DNM3: variants seen among roughly 807,000 people sequenced by gnomAD.
The protein encoded by DNM3 is dynamin 3.
A neutral mutation model predicts 101.6 loss-of-function variants in DNM3; 47 were observed. The observed-to-expected ratio is 0.46, with a 90% CI of 0.37 to 0.59. The LOEUF is 0.59. Ranked by LOEUF, DNM3 falls within the 20% of genes least tolerant of loss-of-function variation. The pLI is 0.00. For missense variants in DNM3, 849 were observed against 1,085.7 expected, an observed-to-expected ratio of 0.78 and a Z score of 3.06; for synonymous variants, 385 against 387.9, an observed-to-expected ratio of 0.99 and a Z score of 0.09.
chr1:172,116,837 T>C (rs1376328340), intron 13 of DNM3, among the ~76,000 whole-genome samples: 1 of 152,192 alleles, frequency 6.6e-6, no homozygotes, highest in East Asian at 1.9e-4. Flanking sequence ...ACTTTTTTCA[T>C]GGAATGTCTC....
rs71561599 is a variant in DNM3, at chr1:171,942,201, ATTTTTTTT to A, written c.235+20396_235+20403del. ...AATGTTTTTAAATGCTGCTCACTTG[ATTTTTTTT>A]TTTTTTTTTTTTTTTATGGAATAAG... On this transcript the variant is annotated intron_variant, in intron 2 of 20. Coordinates refer to ENST00000627582, the MANE Select transcript of DNM3 (RefSeq NM_015569.5). Among the ~76,000 whole-genome samples, 34 of 103,574 alleles carry A rather than the reference ATTTTTTTT, an allele frequency of 3.3e-4. 1 individual carries two copies. Among genetic ancestry groups the A allele is most frequent in the Non-Finnish European group, 4.8e-4 (26 of 53,664 alleles). The allele number at this position is 103,574 out of a possible 152,430, so 67.9% of individuals were successfully genotyped here.
At chr1:172,306,769 A>T (rs1054600068) in intron 15 of DNM3, among the ~76,000 whole-genome samples, 63 of 152,332 alleles carry the variant, frequency 4.1e-4, no homozygotes, top group African/African-American at 1.4e-3. Context: ...CAAAACAAGC[A>T]ATGAGGAAAG....
rs1165611083 is a variant in DNM3 at position 172,106,847 on chromosome 1, CTTTTTTT to C, written c.1545+13990_1545+13996del. On this transcript the variant is annotated intron_variant, in intron 13 of 20. Coordinates refer to ENST00000627582, the MANE Select transcript of DNM3 (RefSeq NM_015569.5). ...TTATTCAATTTAAGGTAACATTATT[CTTTTTTT>C]TTTTTTTTTTTTTTTTTGAGACGGA... Among the ~76,000 whole-genome samples, 24 of 67,958 alleles carry C rather than the reference CTTTTTTT, an allele frequency of 3.5e-4. 1 individual carries two copies. Among genetic ancestry groups the C allele is most frequent in the South Asian group, 1.6e-3 (2 of 1,252 alleles). 44.6% of individuals were successfully genotyped at this position (67,958 alleles called of 152,430 possible). A position where few individuals can be genotyped will look rare whatever the true frequency, so the allele number is the denominator to read the frequency against.
chr1:172,331,567 C>T (rs12049422), intron 17 of DNM3, among the ~76,000 whole-genome samples: 33,729 of 151,974 alleles, frequency 0.22, 4,301 homozygotes, highest in South Asian at 0.29. Context: ...ACTTAATATA[C>T]GTTTGCTAGG....
At chr1:172,160,394 T>C (rs993890980) in intron 14 of DNM3, among the ~76,000 whole-genome samples, 1 of 152,142 alleles carries the variant, frequency 6.6e-6, no homozygotes, top group Non-Finnish European at 1.5e-5. Context: ...TCTTTTTTAA[T>C]ATCCTTATTC....
rs938186525 is a variant in DNM3, at chr1:172,132,872, T to A, written c.1659+1584T>A. The A allele has an allele frequency of 2.1e-5, 18 of 839,196 alleles. No homozygotes were observed. In the Admixed American group the frequency reaches 3.6e-4, roughly 17 times the overall value. 52.0% of individuals were successfully genotyped at this position (839,196 alleles called of 1,614,324 possible). Reference sequence around the variant, plus strand: ...TTTAAAAAAGTCTTTTCTACAGGACTATTTTCCTTATTGCAGAACATTTAG... The same window carrying A: ...TTTAAAAAAGTCTTTTCTACAGGACAATTTTCCTTATTGCAGAACATTTAG... On this transcript the variant is annotated intron_variant, in intron 14 of 20. Coordinates refer to ENST00000627582, the MANE Select transcript of DNM3 (RefSeq NM_015569.5).
At chr1:172,391,236 T>C (rs2069511132) in intron 20 of DNM3, among the ~76,000 whole-genome samples, 2 of 151,896 alleles carry the variant, frequency 1.3e-5, no homozygotes, top group Non-Finnish European at 2.9e-5. Flanking sequence ...AAAACAGAAA[T>C]GAAAGTACAG....
Position 172,408,076 on chromosome 1 carries a change from G to T in DNM3, c.*235G>T, listed in dbSNP as rs2071020857. 1 of 1,347,078 alleles carries T rather than the reference G, an allele frequency of 7.4e-7. No homozygotes were observed. The highest frequency in any genetic ancestry group is 9.6e-7 in the Non-Finnish European group (1 of 1,046,396). The allele number at this position is 1,347,078 out of a possible 1,614,324, so 83.4% of individuals were successfully genotyped here. A position where few individuals can be genotyped will look rare whatever the true frequency, so the allele number is the denominator to read the frequency against. ...TTTATATGTTGTACTGACCAAGGTA[G>T]GTTTGTATAGCAGCCCTATACTTTG... On this transcript the variant is annotated 3_prime_UTR_variant, in exon 21 of 21. Transcript: ENST00000627582.
At chr1:172,048,145 A>G (rs1449429140) in intron 9 of DNM3, among the ~76,000 whole-genome samples, 2 of 152,166 alleles carry the variant, frequency 1.3e-5, no homozygotes. Context: ...GCATCTTGAA[A>G]TATTAAAATT....
intron 16 of DNM3, among the ~76,000 whole-genome samples, chr1:172,314,384 T>C (rs2757504): frequency 0.64 from 97,118 of 151,902 alleles, 33,402 homozygotes; most frequent in African/African-American, 0.91. Flanking sequence ...AGACAGTGGG[T>C]GCAGGTCAGT....
intron 2 of DNM3, among the ~76,000 whole-genome samples, chr1:171,983,030 A>G (rs2044928836): frequency 6.6e-6 from 1 of 151,886 alleles, no homozygotes; most frequent in South Asian, 2.1e-4. Context: ...CACTTCCCTT[A>G]TCCTGGGTGT....
chr1:172,110,868 T>G (rs573750407), intron 13 of DNM3, among the ~76,000 whole-genome samples: 112 of 152,254 alleles, frequency 7.4e-4, no homozygotes, highest in African/African-American at 2.6e-3. Context: ...AAATCCTGTC[T>G]CTACGAAAGA....
rs571695898 is a variant in DNM3 at position 171,874,661 on chromosome 1, TA to T, written c.161+32846del. Among the ~76,000 whole-genome samples the T allele has an allele frequency of 2.6e-3, 391 of 152,220 alleles. 2 individuals are homozygous for T. Among genetic ancestry groups the T allele is most frequent in the African/African-American group, 9.0e-3 (375 of 41,538 alleles). On this transcript the variant is annotated intron_variant, in intron 1 of 20. Coordinates refer to ENST00000627582, the MANE Select transcript of DNM3 (RefSeq NM_015569.5). ...GTACTTATTCAGCCACCTTAAAACATAATGTCAACTTTTATTTTAGATCAGG... is the reference window on the plus strand; with the variant it reads ...GTACTTATTCAGCCACCTTAAAACATATGTCAACTTTTATTTTAGATCAGG...
In DNM3 at chr1:172,213,080, GTTCT is replaced by G. The variant is rs536221283; in HGVS notation, c.1660-40487_1660-40484del. ...TGGTTTGCAAACTTCTAAGTCCAGT[GTTCT>G]TTCTTCTCTTTCCACACACTGTTTC... On this transcript the variant is annotated intron_variant, in intron 14 of 20. Transcript: ENST00000627582. Among the ~76,000 whole-genome samples the G allele has an allele frequency of 2.3e-3, 343 of 152,238 alleles. 1 individual carries two copies. The highest frequency in any genetic ancestry group is 7.9e-3 in the African/African-American group (329 of 41,550).
intron 11 of DNM3, among the ~76,000 whole-genome samples, chr1:172,079,740 T>A (rs2052979878): frequency 6.6e-6 from 1 of 152,200 alleles, no homozygotes; most frequent in East Asian, 1.9e-4. Flanking sequence ...GCACTGTTTT[T>A]TTCCTCATCT....
At chr1:172,254,199 T>C (rs1014856760) in intron 15 of DNM3, among the ~76,000 whole-genome samples, 1 of 152,188 alleles carries the variant, frequency 6.6e-6, no homozygotes, top group African/African-American at 2.4e-5. Flanking sequence ...GTGCTGGGAT[T>C]ACAGGCATGA....
At chr1:172,202,430 T>G (rs916483556) in intron 14 of DNM3, among the ~76,000 whole-genome samples, 2 of 152,156 alleles carry the variant, frequency 1.3e-5, no homozygotes, top group African/African-American at 4.8e-5. Context: ...TTATGTGAGT[T>G]TTACTAGATT....
At chr1:171,888,818 A>G (rs1459649760) in intron 1 of DNM3, among the ~76,000 whole-genome samples, 1 of 152,222 alleles carries the variant, frequency 6.6e-6, no homozygotes, top group African/African-American at 2.4e-5. Context: ...TGACCATATA[A>G]GAGTTTATAA....
intron 15 of DNM3, among the ~76,000 whole-genome samples, chr1:172,293,082 G>A (rs2063997546): frequency 6.6e-6 from 1 of 152,104 alleles, no homozygotes; most frequent in Non-Finnish European, 1.5e-5. Flanking sequence ...GCCTTAATTA[G>A]GTGCAAACCA....
Sources: gnomAD v4.1 joint callset for allele counts (sites outside exome capture counted in the v4.1 genomes callset) on GRCh38, gnomAD v4.1.1 for gene constraint, MANE v1.5 for transcripts, NCBI Gene and HGNC (gene_info 2026-07-23, HGNC 2026-07-21) for gene names.